The following DOCK4 variants were observed in gnomAD, a reference collection of about 807,000 sequenced individuals.
DOCK4 encodes dedicator of cytokinesis 4.
DOCK4 carries 97 observed loss-of-function variants against 268.1 expected under a neutral mutation model. The observed-to-expected ratio is 0.36, with a 90% CI of 0.31 to 0.43. The LOEUF (loss-of-function observed/expected upper bound fraction) is 0.43. Ranked by LOEUF, DOCK4 falls within the 20% of genes least tolerant of loss-of-function variation. The pLI is 1.00. For synonymous variants in DOCK4, 954 were observed against 887.2 expected (o/e 1.08, Z -1.34); for missense variants, 2,145 against 2,455.7 (o/e 0.87, Z 2.67).
At chr7:111,739,817 T>C (rs1585836243) in intron 47 of DOCK4, 1 of 352,088 alleles carries the variant, frequency 2.8e-6, no homozygotes, top group African/African-American at 2.1e-5. Context: ...GCATAAAATA[T>C]GCCTTCTTGT....
At chr7:112,043,976 C>G (rs527784475) in intron 1 of DOCK4, among the ~76,000 whole-genome samples, 10 of 150,962 alleles carry the variant, frequency 6.6e-5, no homozygotes, top group Non-Finnish European at 1.2e-4. Flanking sequence ...ATAGCTGCAG[C>G]TTCTCTTGGA....
chr7:111,805,391 T>C (rs1800598588), intron 30 of DOCK4, among the ~76,000 whole-genome samples: 1 of 152,238 alleles, frequency 6.6e-6, no homozygotes, highest in Non-Finnish European at 1.5e-5. Context: ...TTAAACTTTC[T>C]TAATGTAAAT....
Position 111,727,969 on chromosome 7 carries a change from GT to G in DOCK4, c.*304del. The stretch of plus-strand genomic sequence containing the variant: ...TGTATCGTTTGACAATATCGTATTG[GT>G]TTTAAGATTAAACTATATAAAAAAA... On this transcript the variant is annotated 3_prime_UTR_variant, in exon 53 of 53. Transcript: ENST00000428084. The G allele has an allele frequency of 1.0e-5, 3 of 286,056 alleles. No homozygotes were observed. The highest frequency in any genetic ancestry group is 1.0e-3 in the Middle Eastern group (1 of 1,004). The allele number at this position is 286,056 out of a possible 1,614,324, so 17.7% of individuals were successfully genotyped here.
rs1246300337 is a variant in DOCK4, at chr7:111,809,407, A to C, written c.3007-6T>G. 1 of 1,546,128 alleles carries C rather than the reference A, an allele frequency of 6.5e-7. No individual in the cohort carries two copies. The highest frequency in any genetic ancestry group is 8.8e-7 in the Non-Finnish European group (1 of 1,140,530). On this transcript the variant is annotated splice_polypyrimidine_tract_variant and splice_region_variant and intron_variant, in intron 28 of 52. Transcript: ENST00000428084. The stretch of plus-strand genomic sequence containing the variant: ...TAAAAGTAGGAATCCCAGATCTAAA[A>C]CAAGAACAAGATATATCAATACTAT...
At chr7:111,995,185 C>T (rs1029429494) in intron 4 of DOCK4, among the ~76,000 whole-genome samples, 3 of 151,862 alleles carry the variant, frequency 2.0e-5, no homozygotes, top group African/African-American at 7.3e-5. Context: ...GTGCCTGCAA[C>T]CACGCCCGGC....
chr7:111,822,281 G>T, intron 27 of DOCK4, 81 bp downstream of exon 27: 1 of 1,228,648 alleles, frequency 8.1e-7, no homozygotes, highest in Non-Finnish European at 1.1e-6. Context: ...GCAAACTTGA[G>T]ATCAAATGAA....
chr7:111,773,431 A>C (rs959380383), intron 36 of DOCK4, among the ~76,000 whole-genome samples: 1 of 152,252 alleles, frequency 6.6e-6, no homozygotes, highest in Non-Finnish European at 1.5e-5. Flanking sequence ...GTTTTGAAAT[A>C]TAATCAGACA....
intron 1 of DOCK4, among the ~76,000 whole-genome samples, chr7:112,063,141 G>A (rs1291857410): frequency 6.6e-6 from 1 of 152,148 alleles, no homozygotes; most frequent in African/African-American, 2.4e-5. Flanking sequence ...ACCACACTAG[G>A]TGAAGGCATC....
chr7:111,902,124 A>C (rs1447240246), intron 13 of DOCK4, among the ~76,000 whole-genome samples: 3 of 152,228 alleles, frequency 2.0e-5, no homozygotes, highest in Admixed American at 1.3e-4. Flanking sequence ...TGATTATAAA[A>C]TGACAGCCTA....
chr7:112,202,401 T>G lies in DOCK4; in HGVS notation c.37+3701A>C, dbSNP rs565376289. ...CCATTCTAACAGATGGGAGGTGATA[T>G]CCACAGAATGGAGATACAATAAATA... On this transcript the variant is annotated intron_variant, in intron 1 of 52. Coordinates refer to ENST00000428084, the MANE Select transcript of DOCK4 (RefSeq NM_001363540.2). 3.2e-4 allele frequency among the ~76,000 whole-genome samples: 48 copies of G among 152,322 alleles called. 1 individual carries two copies. In the South Asian group the frequency reaches 9.7e-3, roughly 31 times the overall value.
chr7:112,011,763 A>G (rs1801343917), intron 1 of DOCK4, among the ~76,000 whole-genome samples: 1 of 151,480 alleles, frequency 6.6e-6, no homozygotes, highest in Admixed American at 6.6e-5. Flanking sequence ...AAAACAAAAA[A>G]AAAACCTTTA....
intron 1 of DOCK4, among the ~76,000 whole-genome samples, chr7:112,093,971 G>C (rs1438134040): frequency 2.0e-5 from 3 of 151,168 alleles, no homozygotes; most frequent in African/African-American, 7.3e-5. Flanking sequence ...TCTTAGAAAA[G>C]CATATTGAGC....
chr7:111,815,269 T>C (rs1801453121), intron 27 of DOCK4, among the ~76,000 whole-genome samples: 1 of 152,230 alleles, frequency 6.6e-6, no homozygotes, highest in African/African-American at 2.4e-5. Context: ...CTTTCATACC[T>C]ATAACATTCA....
chr7:111,915,066 G>A (rs931663393), intron 13 of DOCK4, among the ~76,000 whole-genome samples: 1 of 152,158 alleles, frequency 6.6e-6, no homozygotes, highest in Non-Finnish European at 1.5e-5. Flanking sequence ...CAATTCATAA[G>A]TTGTAGATGA....
intron 1 of DOCK4, among the ~76,000 whole-genome samples, chr7:112,112,410 G>A (rs1340090322): frequency 1.3e-5 from 2 of 152,104 alleles, no homozygotes; most frequent in African/African-American, 2.4e-5. Context: ...TTGGAAGGCC[G>A]AGGCGGGCAG....
chr7:111,826,089 G>A (rs532678077), intron 26 of DOCK4, among the ~76,000 whole-genome samples: 9 of 152,252 alleles, frequency 5.9e-5, no homozygotes, highest in Admixed American at 3.3e-4. Flanking sequence ...CTTTGCTTTC[G>A]TGGAGTTCAC....
chr7:112,206,042 C>T, intron 1 of DOCK4, 60 bp downstream of exon 1: 3 of 1,538,444 alleles, frequency 2.0e-6, no homozygotes, highest in East Asian at 4.9e-5. Flanking sequence ...GGGGCAAGGA[C>T]GAGAAATGCG....
chr7:111,968,911 G>T (rs1797458051), intron 8 of DOCK4, among the ~76,000 whole-genome samples: 1 of 79,548 alleles, frequency 1.3e-5, no homozygotes, highest in Non-Finnish European at 2.3e-5. Context: ...TCCTTTGTAG[G>T]GACATGGATG....
chr7:111,873,040 A>C (rs1806554762), intron 17 of DOCK4, among the ~76,000 whole-genome samples: 1 of 152,162 alleles, frequency 6.6e-6, no homozygotes, highest in Non-Finnish European at 1.5e-5. Flanking sequence ...AACCAACTCC[A>C]CCCAGGAACA....
Sources: gnomAD v4.1 joint callset for allele counts (sites outside exome capture counted in the v4.1 genomes callset) on GRCh38, gnomAD v4.1.1 for gene constraint, MANE v1.5 for transcripts, NCBI Gene and HGNC (gene_info 2026-07-23, HGNC 2026-07-21) for gene names.